Variants in ZNF74 observed in about 807,000 individuals in gnomAD.
ZNF74 encodes the protein zinc finger protein 520.
ZNF74 carries 12 observed loss-of-function variants against 17.7 expected under a neutral mutation model. The ratio of observed to expected loss-of-function variants is 0.68; its 90% CI spans 0.43 to 1.10. ZNF74 has a LOEUF of 1.10. Ranked by LOEUF, ZNF74 falls within the 50% of genes least tolerant of loss-of-function variation. The pLI is 0.00. For missense variants in ZNF74, 811 were observed against 881.0 expected, an observed-to-expected ratio of 0.92 and a Z score of 1.01; for synonymous variants, 358 against 362.1, an observed-to-expected ratio of 0.99 and a Z score of 0.13.
chr22:20,405,890 C>T lies in ZNF74; in HGVS notation c.857C>T (p.Thr286Ile), dbSNP rs1569096237. The T allele has an allele frequency of 6.2e-7, 1 of 1,613,378 alleles. No individual in the cohort carries two copies. The highest frequency in any genetic ancestry group is 8.5e-7 in the Non-Finnish European group (1 of 1,179,812). The change falls in exon 5 of 5, where the codon ACC (threonine) becomes ATC (isoleucine). Residue 286 changes from threonine (T) to isoleucine (I), a missense_variant. By Grantham distance (89) the Thr-to-Ile change is moderately conservative. This residue lies in a region of ZNF74 where 666 missense variants were observed against 702.3 expected (regional missense o/e 0.95). Transcript: ENST00000400451. ...TGCGATGAATGCGGCAAGGCCTTCA[C>T]CTGGAGCACCAACCTTCTGGAGCAC... is the stretch of plus-strand genomic sequence containing the variant. ...YKCDECGKAFTWSTNLLEHRR... is the reference protein window; with the variant it reads ...YKCDECGKAFIWSTNLLEHRR...
chr22:20,405,306 C>A, intron 4 of ZNF74, 71 bp from the exon 5 acceptor site: 1 of 1,484,746 alleles, frequency 6.7e-7, no homozygotes, highest in Non-Finnish European at 9.1e-7. Flanking sequence ...CATCTCCAGG[C>A]CAATTCTCAA....
chr22:20,406,343 C>T lies in ZNF74; in HGVS notation c.1310C>T (p.Thr437Met), dbSNP rs535226509. 6.2e-7 allele frequency: 1 copy of T among 1,606,536 alleles called. No homozygotes were observed. The highest frequency in any genetic ancestry group is 1.1e-5 in the South Asian group (1 of 90,754). Residue 437 changes from threonine (T) to methionine (M), a missense_variant, in exon 5 of 5, where the codon ACG becomes ATG. Thr to Met is a moderately conservative substitution (Grantham distance 81). Coordinates refer to ENST00000400451, the MANE Select transcript of ZNF74 (RefSeq NM_003426.4). ...TCGCGCCTCACCCTCCACCAGAGGA[C>T]GCACACGGGCGAGAAGCCCTTCAAG... ...SRSRLTLHQR[T>M]HTGEKPFKCA...
Position 20,406,015 on chromosome 22 carries a change from G to T in ZNF74, c.982G>T (p.Gly328Cys). Reference sequence around the variant, plus strand: ...CAACGTGCACCAGCGCATCCACACGGGCGAGCGGCCCTACAAGTGCAGCGC... The same window carrying T: ...CAACGTGCACCAGCGCATCCACACGTGCGAGCGGCCCTACAAGTGCAGCGC... Reference protein sequence around the residue: ...SLNVHQRIHTGERPYKCSACE... With the variant: ...SLNVHQRIHTCERPYKCSACE... The change falls in exon 5 of 5, where the codon GGC becomes TGC. Residue 328 changes from glycine to cysteine, a missense_variant. Gly to Cys is a radical substitution (Grantham distance 159). Coordinates refer to ENST00000400451, the MANE Select transcript of ZNF74 (RefSeq NM_003426.4). 1 of 1,613,686 alleles carries T rather than the reference G, an allele frequency of 6.2e-7. No individual in the cohort carries two copies. The highest frequency in any genetic ancestry group is 8.5e-7 in the Non-Finnish European group (1 of 1,179,858).
chr22:20,396,965 C>T (rs361591), intron 2 of ZNF74, among the ~76,000 whole-genome samples: 99,448 of 152,028 alleles, frequency 0.65, 33,550 homozygotes, highest in East Asian at 0.94. Flanking sequence ...TCAGACCCTA[C>T]CCTACTCTTG....
At chr22:20,402,865 T>G (rs2052374735) in intron 4 of ZNF74, among the ~76,000 whole-genome samples, 3 of 148,768 alleles carry the variant, frequency 2.0e-5, no homozygotes, top group Non-Finnish European at 3.0e-5. Context: ...CCAGCTACTC[T>G]GGAGGCTTAG....
intron 2 of ZNF74, among the ~76,000 whole-genome samples, chr22:20,399,000 T>C (rs908358532): frequency 3.3e-5 from 5 of 152,238 alleles, no homozygotes; most frequent in African/African-American, 4.8e-5. Flanking sequence ...TATTATGGAT[T>C]TCTGATTTAA....
chr22:20,397,226 C>T (rs952108103), intron 2 of ZNF74, among the ~76,000 whole-genome samples: 2 of 152,050 alleles, frequency 1.3e-5, no homozygotes, highest in Non-Finnish European at 2.9e-5. Flanking sequence ...AACGTGTGTG[C>T]CCCCACACCT....
chr22:20,405,578 G>A lies in ZNF74; in HGVS notation c.545G>A (p.Arg182Lys), dbSNP rs749899472. ...GTCCCTGTAGAGGAATTCCCCCTCA[G>A]GTGTCCCCTCTTCGCCCAGCAACGC... ...WDVPVEEFPL[R>K]CPLFAQQRVP... The change falls in exon 5 of 5, where the codon AGG becomes AAG. Residue 182 changes from arginine (R) to lysine (K), a missense_variant. Physicochemically the swap from Arg to Lys is conservative, Grantham distance 26. This residue lies in a region of ZNF74 where 666 missense variants were observed against 702.3 expected (regional missense o/e 0.95). Coordinates refer to ENST00000400451, the MANE Select transcript of ZNF74 (RefSeq NM_003426.4). 6.2e-7 allele frequency: 1 copy of A among 1,612,162 alleles called. No homozygotes were observed. Among genetic ancestry groups the A allele is most frequent in the South Asian group, 1.1e-5 (1 of 90,900 alleles).
At chr22:20,404,266 A>G (rs996247607) in intron 4 of ZNF74, among the ~76,000 whole-genome samples, 3 of 152,222 alleles carry the variant, frequency 2.0e-5, no homozygotes, top group African/African-American at 7.2e-5. Context: ...GAGGAGACAC[A>G]TCCAACCCAG....
intron 2 of ZNF74, among the ~76,000 whole-genome samples, chr22:20,398,765 C>T (rs1439150704): frequency 6.6e-6 from 1 of 152,088 alleles, no homozygotes; most frequent in Non-Finnish European, 1.5e-5. Context: ...AAGATTGAAA[C>T]ATAGATATTG....
In ZNF74 at chr22:20,394,484, G is replaced by T; in HGVS notation, c.-145G>T. 1.3e-6 allele frequency: 1 copy of T among 799,292 alleles called. No individual in the cohort carries two copies. The highest frequency in any genetic ancestry group is 2.1e-6 in the Non-Finnish European group (1 of 486,508). The allele number at this position is 799,292 out of a possible 1,614,324, so 49.5% of individuals were successfully genotyped here. A position where few individuals can be genotyped will look rare whatever the true frequency, so the allele number is the denominator to read the frequency against. On this transcript the variant is annotated 5_prime_UTR_variant, in exon 1 of 5. Transcript: ENST00000400451. ...GGGAGGGGGCTCCGTGCGTGTGATC[G>T]TGCAGCTGTGAGCGCGTGGCCGCCC... is the stretch of plus-strand genomic sequence containing the variant.
rs368841038 is a variant in ZNF74 at position 20,405,650 on chromosome 22, C to T, written c.617C>T (p.Ala206Val). 46 of 1,612,528 alleles carry T rather than the reference C, an allele frequency of 2.9e-5. No homozygotes were observed. The highest frequency in any genetic ancestry group is 3.7e-5 in the Non-Finnish European group (44 of 1,179,422). The change falls in exon 5 of 5, where the codon GCC becomes GTC. Residue 206 changes from alanine (A) to valine (V), a missense_variant. Coordinates refer to ENST00000400451, the MANE Select transcript of ZNF74 (RefSeq NM_003426.4). ...PLLDTRKNVQ[A>V]TEGRTKAPAR... Reference sequence around the variant, plus strand: ...CTGGACACACGCAAGAACGTCCAGGCCACTGAGGGCAGAACCAAGGCCCCC... The same window carrying T: ...CTGGACACACGCAAGAACGTCCAGGTCACTGAGGGCAGAACCAAGGCCCCC...
chr22:20,394,618 C>T lies in ZNF74; in HGVS notation c.-11C>T, dbSNP rs763038224. 2 of 1,614,078 alleles carry T rather than the reference C, an allele frequency of 1.2e-6. No individual in the cohort carries two copies. Among genetic ancestry groups the T allele is most frequent in the African/African-American group, 1.3e-5 (1 of 75,064 alleles). On this transcript the variant is annotated 5_prime_UTR_variant, in exon 1 of 5. Coordinates refer to ENST00000400451, the MANE Select transcript of ZNF74 (RefSeq NM_003426.4). ...CTGCCCACTCCTCCTGGGGAGGCTG[C>T]CGTGGAGGCCATGGAGATCCCTGCC...
At chr22:20,404,535 G>T (rs2052391377) in intron 4 of ZNF74, among the ~76,000 whole-genome samples, 1 of 152,020 alleles carries the variant, frequency 6.6e-6, no homozygotes. Context: ...TGTTACCCAG[G>T]CTGGTCTTGA....
At chr22:20,400,148 A>G (rs890148964) in intron 2 of ZNF74, 1 of 164,886 alleles carries the variant, frequency 6.1e-6, no homozygotes, top group African/African-American at 2.4e-5. Context: ...ACTTGCTGAT[A>G]TATACAAGGT....
At chr22:20,399,617 C>T (rs1314770924) in intron 2 of ZNF74, 1 of 387,936 alleles carries the variant, frequency 2.6e-6, no homozygotes, top group Admixed American at 3.4e-5. Flanking sequence ...GTCACCCAGG[C>T]TGGAGTGCAG....
rs117877445 is a variant in ZNF74 at position 20,407,423 on chromosome 22, G to A, written c.*455G>A. 3.2e-3 allele frequency: 537 copies of A among 170,202 alleles called. 3 individuals are homozygous for A. The highest frequency in any genetic ancestry group is 4.6e-3 in the Non-Finnish European group (364 of 78,804). 10.5% of individuals were successfully genotyped at this position (170,202 alleles called of 1,614,324 possible). A position where few individuals can be genotyped will look rare whatever the true frequency, so the allele number is the denominator to read the frequency against. On this transcript the variant is annotated 3_prime_UTR_variant, in exon 5 of 5. Coordinates refer to ENST00000400451, the MANE Select transcript of ZNF74 (RefSeq NM_003426.4). ...AATGCAAAAATTAGCCAGATGTGGC[G>A]GCATGTCCCTGTGGTCCCAGCTACT...
At position 20,396,865 on chromosome 22, in the gene ZNF74, T is replaced by C. The variant is rs2052299815; in HGVS notation, c.120+1447T>C. Among the ~76,000 whole-genome samples, 3 of 152,142 alleles carry C rather than the reference T, an allele frequency of 2.0e-5. No homozygotes were observed. The South Asian group carries it at 6.2e-4, about 32-fold the overall frequency. On this transcript the variant is annotated intron_variant, in intron 2 of 4. Transcript: ENST00000400451. Reference sequence around the variant, plus strand: ...GATTCCAATGCATACTGTCTGGGTTTTTTATTCCTTTCCCTGCAGAATGAT... The same window carrying C: ...GATTCCAATGCATACTGTCTGGGTTCTTTATTCCTTTCCCTGCAGAATGAT...
rs1257413971 is a variant in ZNF74, at chr22:20,406,361, C to CCTTCAA, written c.1329_1334dup (p.Phe444_Lys445insAsnPhe). On this transcript the variant is annotated inframe_insertion, in exon 5 of 5. Transcript: ENST00000400451. ...CAGAGGACGCACACGGGCGAGAAGC[C>CCTTCAA]CTTCAAGTGCGCCGACTGCGGGAAG... 1.9e-6 allele frequency: 3 copies of CCTTCAA among 1,613,386 alleles called. No homozygotes were observed. Among genetic ancestry groups the CCTTCAA allele is most frequent in the Non-Finnish European group, 2.5e-6 (3 of 1,179,896 alleles).
Sources: allele counts gnomAD v4.1 joint callset (sites outside exome capture counted in the v4.1 genomes callset), GRCh38; gene constraint gnomAD v4.1.1; regional missense constraint gnomAD v4.1.1; transcripts MANE v1.5; gene names NCBI Gene and HGNC (gene_info 2026-07-23, HGNC 2026-07-21).